The following PRELID2 variants were observed in gnomAD, a reference collection of about 807,000 sequenced individuals.
PRELID2 encodes the protein PRELI domain containing 2.
Under a neutral mutation model 28.4 loss-of-function variants are expected in PRELID2, and 25 were observed. The observed-to-expected ratio is 0.88, with a 90% CI of 0.64 to 1.23. PRELID2 has a LOEUF of 1.23. Ranked by LOEUF, PRELID2 falls within the 50% of genes most tolerant of loss-of-function variation. The probability of loss-of-function intolerance (pLI) is 0.00; values close to 1 mark genes in which losing one functional copy is unlikely to be tolerated. For missense variants in PRELID2, 201 were observed against 214.4 expected (o/e 0.94, Z 0.39); for synonymous variants, 76 against 71.6 (o/e 1.06, Z -0.31).
chr5:145,734,932 C>A (rs1016599093), intron 1 of PRELID2, among the ~76,000 whole-genome samples: 4 of 152,100 alleles, frequency 2.6e-5, no homozygotes, highest in African/African-American at 7.2e-5. Context: ...CAGAAGCTAA[C>A]GGAAATGTTT....
the PRELID2 span, among the ~76,000 whole-genome samples, chr5:145,387,469 C>T: frequency 3.9e-5 from 6 of 152,158 alleles, no homozygotes; most frequent in Non-Finnish European, 7.4e-5. Flanking sequence ...ATCTTTGACA[C>T]TTGACCCAGG....
chr5:145,540,336 T>C (rs1752735632), intron 1 of PRELID2, among the ~76,000 whole-genome samples: 1 of 151,962 alleles, frequency 6.6e-6, no homozygotes, highest in African/African-American at 2.4e-5. Flanking sequence ...AAACAATATC[T>C]AGAGCCAACC....
intron 1 of PRELID2, among the ~76,000 whole-genome samples, chr5:145,602,871 G>C (rs576540184): frequency 1.3e-5 from 2 of 152,098 alleles, no homozygotes; most frequent in East Asian, 3.9e-4. Flanking sequence ...GGCCAACAAG[G>C]TGAAACCCCG....
At chr5:145,475,421 C>A (rs1752091339) in intron 1 of PRELID2, among the ~76,000 whole-genome samples, 1 of 152,178 alleles carries the variant, frequency 6.6e-6, no homozygotes. Flanking sequence ...GCCTAAACAT[C>A]CACTGTGATC....
chr5:145,693,331 A>G (rs1755188320), intron 1 of PRELID2, among the ~76,000 whole-genome samples: 1 of 151,958 alleles, frequency 6.6e-6, no homozygotes, highest in African/African-American at 2.4e-5. Context: ...TATGCTTGGT[A>G]GAGATGGGGT....
chr5:145,485,228 T>C (rs539699265), intron 1 of PRELID2, among the ~76,000 whole-genome samples: 54 of 152,306 alleles, frequency 3.5e-4, no homozygotes, highest in African/African-American at 1.1e-3. Flanking sequence ...TGAGAAGAGA[T>C]TGACAAAATA....
chr5:145,693,137 T>A (rs115612813), intron 1 of PRELID2, among the ~76,000 whole-genome samples: 3,670 of 150,732 alleles, frequency 0.024, 158 homozygotes, highest in African/African-American at 0.084. Context: ...TAGGGAAAAA[T>A]AAATAAATAA....
chr5:145,749,335 A>C (rs1343570892), intron 1 of PRELID2, among the ~76,000 whole-genome samples: 3 of 152,250 alleles, frequency 2.0e-5, no homozygotes, highest in Non-Finnish European at 2.9e-5. Context: ...AAAAGAAGAC[A>C]TTTATGCAGC....
chr5:145,282,879 C>T, the PRELID2 span, among the ~76,000 whole-genome samples: 1 of 152,096 alleles, frequency 6.6e-6, no homozygotes, highest in Non-Finnish European at 1.5e-5. Flanking sequence ...AAAATATTCC[C>T]TTCAATACTT....
chr5:145,789,395 GA>G (rs1752219753), intron 5 of PRELID2, among the ~76,000 whole-genome samples: 1 of 152,132 alleles, frequency 6.6e-6, no homozygotes, highest in African/African-American at 2.4e-5. Flanking sequence ...CACACAATGG[GA>G]AAAAAACCAG....
At chr5:145,771,025 C>T (rs1758070964) in intron 5 of PRELID2, among the ~76,000 whole-genome samples, 1 of 151,900 alleles carries the variant, frequency 6.6e-6, no homozygotes, top group African/African-American at 2.4e-5. Context: ...CAGTAAAGTC[C>T]CATGCCTTCC....
intron 1 of PRELID2, among the ~76,000 whole-genome samples, chr5:145,539,351 G>T (rs1427056664): frequency 1.3e-5 from 2 of 151,944 alleles, no homozygotes; most frequent in Non-Finnish European, 2.9e-5. Context: ...ACACAACCAG[G>T]GATTTAAAAA....
the PRELID2 span, among the ~76,000 whole-genome samples, chr5:145,258,179 G>A: frequency 1.3e-5 from 2 of 152,172 alleles, no homozygotes; most frequent in Admixed American, 1.3e-4. Flanking sequence ...AAATTACCCA[G>A]TCTCAGGTAT....
chr5:145,479,845 C>T (rs1561491056), intron 1 of PRELID2, among the ~76,000 whole-genome samples: 1 of 151,686 alleles, frequency 6.6e-6, no homozygotes, highest in South Asian at 2.1e-4. Context: ...TCATAGATGA[C>T]AAAAAAGGGG....
chr5:145,787,276 C>T (rs1334079955), intron 5 of PRELID2, among the ~76,000 whole-genome samples: 2 of 152,212 alleles, frequency 1.3e-5, no homozygotes, highest in Non-Finnish European at 1.5e-5. Context: ...CATAACAAGA[C>T]TGTTATCACC....
chr5:145,485,884 T>C (rs1341285780), intron 1 of PRELID2, among the ~76,000 whole-genome samples: 3 of 152,218 alleles, frequency 2.0e-5, no homozygotes, highest in African/African-American at 7.2e-5. Flanking sequence ...AGATCTTAAT[T>C]GAAACTTTTA....
At chr5:145,750,312 T>C (rs1757093611) in intron 1 of PRELID2, among the ~76,000 whole-genome samples, 1 of 151,586 alleles carries the variant, frequency 6.6e-6, no homozygotes, top group Non-Finnish European at 1.5e-5. Context: ...AACAACCCCA[T>C]AAAGTAGGCA....
At chr5:145,286,708 T>TTTG in the PRELID2 span, among the ~76,000 whole-genome samples, 2 of 97,074 alleles carry the variant, frequency 2.1e-5, no homozygotes, top group African/African-American at 9.9e-5. Flanking sequence ...TTTTGTTTTT[T>TTTG]TTTGTTTGTT....
chr5:145,341,580 G>T, the PRELID2 span, among the ~76,000 whole-genome samples: 1 of 151,638 alleles, frequency 6.6e-6, no homozygotes. Flanking sequence ...AAACAACCAG[G>T]TATAAATTCT....
Sources: allele counts gnomAD v4.1 joint callset (sites outside exome capture counted in the v4.1 genomes callset), GRCh38; gene constraint gnomAD v4.1.1; transcripts MANE v1.5; gene names NCBI Gene and HGNC (gene_info 2026-07-23, HGNC 2026-07-21).